PPL: variants seen among roughly 807,000 people sequenced by gnomAD.
PPL encodes periplakin.
A neutral mutation model predicts 194.4 loss-of-function variants in PPL; 198 were observed. That is an observed-to-expected ratio of 1.02 (90% CI 0.91 to 1.15). PPL has a LOEUF of 1.15. Ranked by LOEUF, PPL falls within the 50% of genes most tolerant of loss-of-function variation. The pLI is 0.00. For synonymous variants in PPL, 1,220 were observed against 972.4 expected (o/e 1.25, Z -4.74); for missense variants, 2,885 against 2,294.8 (o/e 1.26, Z -5.25).
In PPL at chr16:4,885,941, C is replaced by T. The variant is rs773132799; in HGVS notation, c.2714G>A (p.Arg905Gln). The change falls in exon 22 of 22, where the codon CGG becomes CAG. Residue 905 changes from arginine to glutamine, a missense_variant. Physicochemically the swap from Arg to Gln is conservative, Grantham distance 43. Coordinates refer to ENST00000345988, the MANE Select transcript of PPL (RefSeq NM_002705.5). This position sits in a 1 kb window ranked among gnomAD's most constrained non-coding sequence, Gnocchi z 6.3. ...IRKELDEETE[R>Q]RRQLENEVKS... ...GACCTCGTTCTCCAGCTGCCGCCTC[C>T]GCTCAGTCTCCTCATCCAGTTCCTT... The T allele has an allele frequency of 1.7e-5, 27 of 1,613,220 alleles. No homozygotes were observed. The highest frequency in any genetic ancestry group is 1.3e-4 in the East Asian group (6 of 44,904).
At chr16:4,893,120 CAA>C in intron 14 of PPL, 91 bp downstream of exon 14, 1 of 1,398,650 alleles carries the variant, frequency 7.1e-7, no homozygotes, top group South Asian at 1.5e-5. Context: ...GTGAATATCC[CAA>C]GACTCCATGG....
chr16:4,918,702 G>A (rs1360758359), intron 1 of PPL, among the ~76,000 whole-genome samples: 3 of 152,164 alleles, frequency 2.0e-5, no homozygotes, highest in Non-Finnish European at 4.4e-5. Flanking sequence ...CCAGGCCTCC[G>A]GAAGCACAGT....
chr16:4,930,302 G>T (rs1017489958), intron 1 of PPL, among the ~76,000 whole-genome samples: 1 of 152,118 alleles, frequency 6.6e-6, no homozygotes, highest in Non-Finnish European at 1.5e-5. Context: ...TGCCAGCTGT[G>T]TACTCAGCCA....
Position 4,908,422 on chromosome 16 carries a change from T to TTG in PPL, c.162+2427_162+2428insCA, listed in dbSNP as rs796281911. Among the ~76,000 whole-genome samples, 153 of 148,528 alleles carry TTG rather than the reference T, an allele frequency of 1.0e-3. 1 individual carries two copies. The highest frequency in any genetic ancestry group is 3.5e-3 in the African/African-American group (142 of 40,676). ...GAGAAGGTTAAACCCTCTTCCTTCT[T>TTG]TCTCTCTCTCTCTCTCTCTCTCTCA... On this transcript the variant is annotated intron_variant, in intron 2 of 21. Coordinates refer to ENST00000345988, the MANE Select transcript of PPL (RefSeq NM_002705.5).
At chr16:4,890,523 A>G (rs2088299061) in intron 17 of PPL, among the ~76,000 whole-genome samples, 189 bp from the exon 18 acceptor site, 1 of 152,174 alleles carries the variant, frequency 6.6e-6, no homozygotes, top group African/African-American at 2.4e-5. Flanking sequence ...GTCCATATAC[A>G]TTGACTTGCA....
Position 4,891,859 on chromosome 16 carries a change from T to G in PPL, c.1920A>C (p.Thr640=), listed in dbSNP as rs1034090166. The change falls in exon 16 of 22, where the codon ACA becomes ACC. Residue 640 remains threonine, a synonymous_variant. Transcript: ENST00000345988. ...CCAGGACACGGCTGCTCTCAGGCAC[T>G]GTGTCATCCTGATTCAGATGGTTCT... ...THENHLNQDD[T]VPESSRVLDS... 2 of 1,613,420 alleles carry G rather than the reference T, an allele frequency of 1.2e-6. No homozygotes were observed. Among genetic ancestry groups the G allele is most frequent in the African/African-American group, 1.3e-5 (1 of 74,918 alleles).
chr16:4,933,568 G>A (rs2089252419), intron 1 of PPL, among the ~76,000 whole-genome samples: 1 of 152,152 alleles, frequency 6.6e-6, no homozygotes, highest in Admixed American at 6.5e-5. Flanking sequence ...TGCTCTGACT[G>A]TGACAACTCT....
In PPL at chr16:4,899,314, A is replaced by T. The variant is rs1298979135; in HGVS notation, c.677T>A (p.Leu226Gln). 6.2e-7 allele frequency: 1 copy of T among 1,613,712 alleles called. No homozygotes were observed. The highest frequency in any genetic ancestry group is 1.7e-5 in the Admixed American group (1 of 60,030). The change falls in exon 7 of 22, where the codon CTG becomes CAG. Residue 226 changes from leucine to glutamine, a missense_variant. Transcript: ENST00000345988. ...QDYMQRCTNE[L>Q]YWLDQQAKGR... ...CTTGGCCTGCTGGTCCAGCCAGTAC[A>T]GCTCATTGGTGCAGCGCTGCATGTA... is the stretch of plus-strand genomic sequence containing the variant.
intron 10 of PPL, 65 bp from the exon 11 acceptor site, chr16:4,895,472 G>A (rs1156930915): frequency 1.0e-5 from 16 of 1,604,852 alleles, no homozygotes; most frequent in Non-Finnish European, 1.3e-5. Flanking sequence ...GGAGGACGCA[G>A]AGCAGGGGCT....
chr16:4,896,384 G>C (rs1262470946), intron 9 of PPL, among the ~76,000 whole-genome samples: 1 of 152,194 alleles, frequency 6.6e-6, no homozygotes, highest in Non-Finnish European at 1.5e-5. Flanking sequence ...CCATACAATA[G>C]GATATGATTC....
intron 2 of PPL, among the ~76,000 whole-genome samples, chr16:4,908,162 CAAAAAA>C (rs55889324): frequency 1.4e-5 from 1 of 73,256 alleles, no homozygotes; most frequent in African/African-American, 4.9e-5. Context: ...AGACTGTCTC[CAAAAAA>C]AAAAAAAAAA....
At position 4,900,456 on chromosome 16, in the gene PPL, T is replaced by TTTTTTTTTTTG. The variant is rs869221421; in HGVS notation, c.606+373_606+374insCAAAAAAAAAA. Among the ~76,000 whole-genome samples, 2 of 128,802 alleles carry TTTTTTTTTTTG rather than the reference T, an allele frequency of 1.6e-5. 1 individual carries two copies. The highest frequency in any genetic ancestry group is 6.1e-5 in the African/African-American group (2 of 32,528). 84.5% of individuals were successfully genotyped at this position (128,802 alleles called of 152,430 possible). A position where few individuals can be genotyped will look rare whatever the true frequency, so the allele number is the denominator to read the frequency against. On this transcript the variant is annotated intron_variant, in intron 6 of 21. Coordinates refer to ENST00000345988, the MANE Select transcript of PPL (RefSeq NM_002705.5). ...CGCCTTTTTTTTTTTTTTTTTTTTT[T>TTTTTTTTTTTG]AAAGGCAGGGTTTTGCTCTGTTTCC...
chr16:4,912,002 C>T (rs2088829213), intron 1 of PPL, among the ~76,000 whole-genome samples: 1 of 152,190 alleles, frequency 6.6e-6, no homozygotes, highest in Admixed American at 6.5e-5. Context: ...CACCCAGCTT[C>T]TAATGCTTCT....
At chr16:4,934,840 C>A (rs1241959459) in intron 1 of PPL, among the ~76,000 whole-genome samples, 1 of 152,096 alleles carries the variant, frequency 6.6e-6, no homozygotes, top group Admixed American at 6.5e-5. Context: ...CTACCCCCAC[C>A]CCACAATCCA....
rs2089084966 is a variant in PPL, at chr16:4,923,143, G to T, written c.63-12194C>A. ...GGAAACTGCAGAAGGGGAGGGTGGG[G>T]AGGACCTGTCTACCCGGTTATGCCA... On this transcript the variant is annotated intron_variant, in intron 1 of 21. Transcript: ENST00000345988. Among the ~76,000 whole-genome samples the T allele has an allele frequency of 2.0e-5, 3 of 152,154 alleles. No individual in the cohort carries two copies. The South Asian group carries it at 6.2e-4, about 32-fold the overall frequency.
chr16:4,884,808 T>G lies in PPL; in HGVS notation c.3847A>C (p.Lys1283Gln), dbSNP rs1378697517. The G allele has an allele frequency of 6.2e-7, 1 of 1,614,148 alleles. No individual in the cohort carries two copies. The highest frequency in any genetic ancestry group is 1.7e-5 in the Admixed American group (1 of 60,028). The change falls in exon 22 of 22, where the codon AAA (lysine) becomes CAA (glutamine). Residue 1283 changes from lysine (K) to glutamine (Q), a missense_variant. Lys to Gln is a moderately conservative substitution (Grantham distance 53). Coordinates refer to ENST00000345988, the MANE Select transcript of PPL (RefSeq NM_002705.5). The surrounding 1 kb of genome is among the most constrained non-coding windows in gnomAD (Gnocchi z 5.7). ...KKEIQALKDTKPQVQTKEVVQ... is the reference protein window; with the variant it reads ...KKEIQALKDTQPQVQTKEVVQ... The stretch of plus-strand genomic sequence containing the variant: ...ACCTCTTTGGTCTGGACCTGGGGTT[T>G]GGTGTCTTTCAGGGCCTGGATTTCC...
At chr16:4,928,882 G>A (rs1228700200) in intron 1 of PPL, among the ~76,000 whole-genome samples, 1 of 151,728 alleles carries the variant, frequency 6.6e-6, no homozygotes, top group African/African-American at 2.4e-5. Flanking sequence ...GTGGTGGTGG[G>A]CGCCTGTAAT....
At chr16:4,909,469 C>T (rs1401431144) in intron 2 of PPL, among the ~76,000 whole-genome samples, 13 of 147,804 alleles carry the variant, frequency 8.8e-5, no homozygotes, top group African/African-American at 3.1e-4. Flanking sequence ...CTCTGTTGCC[C>T]AGGCTGGAGC....
intron 18 of PPL, 123 bp downstream of exon 18, chr16:4,890,061 C>A: frequency 7.1e-7 from 1 of 1,412,590 alleles, no homozygotes; most frequent in Non-Finnish European, 9.8e-7. Flanking sequence ...AGGGAGGACA[C>A]AGCTGTGGCA....
Sources: allele counts gnomAD v4.1 joint callset (sites outside exome capture counted in the v4.1 genomes callset), GRCh38; gene constraint gnomAD v4.1.1; non-coding constraint Gnocchi (gnomAD v3.1); transcripts MANE v1.5; gene names NCBI Gene and HGNC (gene_info 2026-07-23, HGNC 2026-07-21).